The following MBD5 variants were observed in gnomAD, a reference collection of about 807,000 sequenced individuals.
MBD5 encodes the protein methyl-CpG binding domain protein 5.
MBD5 carries 13 observed loss-of-function variants against 117.3 expected under a neutral mutation model. The ratio of observed to expected loss-of-function variants is 0.11; its 90% CI spans 0.07 to 0.18. The LOEUF (loss-of-function observed/expected upper bound fraction) is 0.18, where lower values mean the gene tolerates loss of function less well. MBD5 is among the 10% of genes least tolerant of loss of function. The probability of loss-of-function intolerance (pLI) is 1.00; values close to 1 mark genes in which losing one functional copy is unlikely to be tolerated. For missense variants in MBD5, 1,879 were observed against 2,093.8 expected, an observed-to-expected ratio of 0.90 and a Z score of 2.00; for synonymous variants, 727 against 766.4, an observed-to-expected ratio of 0.95 and a Z score of 0.85.
intron 1 of MBD5, chr2:148,026,943 C>G (rs1693911629): frequency 6.8e-6 from 1 of 147,792 alleles, no homozygotes; most frequent in Non-Finnish European, 1.5e-5. Flanking sequence ...AATAAAAAAA[C>G]AGTAAAAAAA....
intron 1 of MBD5, among the ~76,000 whole-genome samples, chr2:148,047,398 G>A (rs1327941595): frequency 6.6e-6 from 1 of 152,130 alleles, no homozygotes; most frequent in Non-Finnish European, 1.5e-5. Flanking sequence ...CATTTTGCGT[G>A]GAGACAGAGG....
chr2:148,248,257 T>C (rs1700383709), intron 3 of MBD5, among the ~76,000 whole-genome samples: 1 of 152,110 alleles, frequency 6.6e-6, no homozygotes, highest in African/African-American at 2.4e-5. Flanking sequence ...GCAAGGAAAA[T>C]TGGTTAATTT....
intron 4 of MBD5, among the ~76,000 whole-genome samples, chr2:148,368,971 A>G (rs1703778788): frequency 6.6e-6 from 1 of 152,176 alleles, no homozygotes; most frequent in Non-Finnish European, 1.5e-5. Flanking sequence ...AAGTGATCAT[A>G]GTTACCACCA....
chr2:148,076,434 T>C (rs559877095), intron 1 of MBD5, among the ~76,000 whole-genome samples: 2 of 152,310 alleles, frequency 1.3e-5, no homozygotes, highest in African/African-American at 2.4e-5. Context: ...CAGCAGCATC[T>C]CTTTTTGTAA....
At chr2:148,398,534 G>T (rs1403159785) in intron 4 of MBD5, among the ~76,000 whole-genome samples, 3 of 152,026 alleles carry the variant, frequency 2.0e-5, no homozygotes, top group Admixed American at 6.6e-5. Context: ...TTGAGTTCAT[G>T]GTAGATTCTG....
At chr2:148,158,812 C>A (rs1338004888) in intron 1 of MBD5, among the ~76,000 whole-genome samples, 1 of 152,170 alleles carries the variant, frequency 6.6e-6, no homozygotes, top group Non-Finnish European at 1.5e-5. Flanking sequence ...CTCCGCCTCC[C>A]GGGTTCAAGT....
intron 11 of MBD5, among the ~76,000 whole-genome samples, chr2:148,500,589 CCTAA>C (rs1681842464): frequency 6.6e-6 from 1 of 152,094 alleles, no homozygotes; most frequent in Non-Finnish European, 1.5e-5. Flanking sequence ...AATAGTTCGA[CCTAA>C]CTTTGTTTTT....
At chr2:148,381,849 A>G (rs1193108293) in intron 4 of MBD5, among the ~76,000 whole-genome samples, 3 of 152,152 alleles carry the variant, frequency 2.0e-5, no homozygotes, top group African/African-American at 7.2e-5. Context: ...TTTCATATCT[A>G]GCCAAACTAA....
chr2:148,253,568 C>T (rs1700514865), intron 3 of MBD5, among the ~76,000 whole-genome samples: 1 of 152,120 alleles, frequency 6.6e-6, no homozygotes, highest in Non-Finnish European at 1.5e-5. Context: ...TTTGTTTTCC[C>T]AATGCATATA....
chr2:148,433,026 T>G (rs1706039221), intron 4 of MBD5, among the ~76,000 whole-genome samples: 1 of 152,028 alleles, frequency 6.6e-6, no homozygotes, highest in South Asian at 2.1e-4. Flanking sequence ...TTGTCTGTAT[T>G]GTCTCTGATT....
intron 1 of MBD5, among the ~76,000 whole-genome samples, chr2:148,051,537 T>C (rs948822241): frequency 6.6e-6 from 1 of 151,874 alleles, no homozygotes; most frequent in Non-Finnish European, 1.5e-5. Flanking sequence ...CTTACCATTA[T>C]GTTAGTTTTG....
At chr2:148,466,269 T>C (rs1003041948) in intron 7 of MBD5, among the ~76,000 whole-genome samples, 10 of 152,298 alleles carry the variant, frequency 6.6e-5, no homozygotes, top group African/African-American at 2.2e-4. Context: ...TTGAAAGCAC[T>C]TGATGGGTGC....
intron 3 of MBD5, among the ~76,000 whole-genome samples, chr2:148,289,727 A>T (rs1252019207): frequency 6.6e-6 from 1 of 152,186 alleles, no homozygotes; most frequent in Non-Finnish European, 1.5e-5. Context: ...TGATGTTATT[A>T]TACATAATGT....
intron 4 of MBD5, among the ~76,000 whole-genome samples, chr2:148,439,455 G>A (rs1307143169): frequency 6.6e-6 from 1 of 151,992 alleles, no homozygotes; most frequent in Non-Finnish European, 1.5e-5. Context: ...GGGTGGTTCT[G>A]GTCCATTTTT....
chr2:148,144,463 T>G (rs1697397578), intron 1 of MBD5, among the ~76,000 whole-genome samples: 1 of 152,254 alleles, frequency 6.6e-6, no homozygotes, highest in South Asian at 2.1e-4. Context: ...TAGATCCCAT[T>G]TGTCAATTTT....
At chr2:148,290,232 A>T (rs1197149983) in intron 3 of MBD5, among the ~76,000 whole-genome samples, 2 of 150,558 alleles carry the variant, frequency 1.3e-5, no homozygotes. Flanking sequence ...TCCTGGGATT[A>T]TAGGCGTGAG....
chr2:148,353,959 A>T (rs1453634563), intron 4 of MBD5, among the ~76,000 whole-genome samples: 3 of 151,842 alleles, frequency 2.0e-5, no homozygotes, highest in African/African-American at 7.3e-5. Context: ...TTCGCTATAG[A>T]TACTTCTTTG....
chr2:148,175,323 C>T (rs1698358312), intron 1 of MBD5, among the ~76,000 whole-genome samples: 2 of 151,914 alleles, frequency 1.3e-5, no homozygotes, highest in Non-Finnish European at 1.5e-5. Flanking sequence ...GTTTTAAAAC[C>T]ACAAATTTAT....
chr2:148,382,138 G>T (rs1225577688), intron 4 of MBD5, among the ~76,000 whole-genome samples: 1 of 148,344 alleles, frequency 6.7e-6, no homozygotes, highest in Non-Finnish European at 1.5e-5. Context: ...TGGGCTAAAT[G>T]CTCCAATTAA....
Sources: allele counts gnomAD v4.1 joint callset (sites outside exome capture counted in the v4.1 genomes callset), GRCh38; gene constraint gnomAD v4.1.1; transcripts MANE v1.5; gene names NCBI Gene and HGNC (gene_info 2026-07-23, HGNC 2026-07-21).